RXFP1: variants seen among roughly 807,000 people sequenced by gnomAD.
RXFP1 encodes relaxin family peptide receptor 1.
Under a neutral mutation model 89.8 loss-of-function variants are expected in RXFP1, and 73 were observed. The observed-to-expected ratio is 0.81, with a 90% CI of 0.67 to 0.99. The LOEUF is 0.99. RXFP1 is among the 50% of genes least tolerant of loss of function. RXFP1 has a pLI of 0.00. For synonymous variants in RXFP1, 277 were observed against 305.5 expected, an observed-to-expected ratio of 0.91 and a Z score of 0.97; for missense variants, 793 against 895.5, an observed-to-expected ratio of 0.89 and a Z score of 1.46.
At chr4:158,583,627 T>C (rs1757780957) in intron 2 of RXFP1, among the ~76,000 whole-genome samples, 1 of 152,240 alleles carries the variant, frequency 6.6e-6, no homozygotes, top group African/African-American at 2.4e-5. Context: ...TTTATTATTC[T>C]CAAAATAACA....
chr4:158,564,811 G>A (rs1454865925), intron 1 of RXFP1, among the ~76,000 whole-genome samples: 1 of 152,144 alleles, frequency 6.6e-6, no homozygotes, highest in Non-Finnish European at 1.5e-5. Flanking sequence ...TTGTGTTATT[G>A]CACTGTGAAT....
chr4:158,628,832 A>T, intron 11 of RXFP1, 123 bp downstream of exon 11: 1 of 467,664 alleles, frequency 2.1e-6, no homozygotes, highest in Non-Finnish European at 3.8e-6. Flanking sequence ...CATTATTTAC[A>T]TATATACACC....
intron 4 of RXFP1, among the ~76,000 whole-genome samples, chr4:158,601,967 A>G (rs1471993878): frequency 6.6e-6 from 1 of 152,210 alleles, no homozygotes; most frequent in Non-Finnish European, 1.5e-5. Context: ...TAATACTAAG[A>G]ACTTTCTTTA....
intron 15 of RXFP1, 107 bp downstream of exon 15, chr4:158,645,245 TC>T (rs1771286861): frequency 1.2e-6 from 1 of 816,984 alleles, no homozygotes; most frequent in Admixed American, 2.8e-5. Context: ...TTTACATTTT[TC>T]TCCTTTTTGC....
chr4:158,545,163 C>A (rs1747946162), intron 1 of RXFP1, among the ~76,000 whole-genome samples: 1 of 151,580 alleles, frequency 6.6e-6, no homozygotes. Context: ...GATGGTATCT[C>A]ATTGTGGTTT....
chr4:158,612,300 A>T lies in RXFP1; in HGVS notation c.618A>T (p.Glu206Asp). ...TTCTTCTGGCTGTCAGGATAATTGA[A>T]GATAATCACCTCAGTCGAATTTCCC... is the stretch of plus-strand genomic sequence containing the variant. ...DLHRLEWLII[E>D]DNHLSRISPP... is the part of the protein sequence containing the mutation. The change falls in exon 8 of 18, where the codon GAA (glutamate) becomes GAT (aspartate). Residue 206 changes from glutamate (E) to aspartate (D), a missense_variant. By Grantham distance (45) the Glu-to-Asp change is conservative (BLOSUM62 2). Transcript: ENST00000307765. The T allele has an allele frequency of 2.5e-6, 4 of 1,612,268 alleles. No homozygotes were observed. In the South Asian group the frequency reaches 3.3e-5, roughly 13 times the overall value.
chr4:158,536,867 T>A lies in RXFP1; in HGVS notation c.49+14842T>A, dbSNP rs530576992. On this transcript the variant is annotated intron_variant, in intron 1 of 17. Transcript: ENST00000307765. ...GTTTCAAAATAACATAGCCAGGAAA[T>A]CATATACACTTTGGAGTTGCAATAT... is the stretch of plus-strand genomic sequence containing the variant. 2.0e-5 allele frequency among the ~76,000 whole-genome samples: 3 copies of A among 152,214 alleles called. No individual in the cohort carries two copies. In the East Asian group the frequency reaches 5.8e-4, roughly 29 times the overall value.
intron 2 of RXFP1, among the ~76,000 whole-genome samples, chr4:158,577,982 A>C (rs1240159349): frequency 6.6e-6 from 1 of 152,202 alleles, no homozygotes; most frequent in Admixed American, 6.5e-5. Context: ...AACTCAGTGA[A>C]GATTTTTTGT....
At chr4:158,564,861 A>G (rs191519059) in intron 1 of RXFP1, among the ~76,000 whole-genome samples, 2 of 152,182 alleles carry the variant, frequency 1.3e-5, no homozygotes, top group African/African-American at 4.8e-5. Context: ...GCTAAAAAGG[A>G]AATGCTTTTT....
intron 10 of RXFP1, among the ~76,000 whole-genome samples, chr4:158,627,965 T>G (rs1310567973): frequency 1.3e-5 from 2 of 152,152 alleles, no homozygotes; most frequent in Non-Finnish European, 2.9e-5. Context: ...GCTTTTAAGG[T>G]CCAAGAATAT....
intron 17 of RXFP1, among the ~76,000 whole-genome samples, chr4:158,650,729 A>G (rs1001785337): frequency 3.3e-5 from 5 of 152,226 alleles, no homozygotes; most frequent in Admixed American, 2.0e-4. Context: ...AGATTGTGCC[A>G]TTGCACTACA....
At chr4:158,651,651 A>G in intron 17 of RXFP1, 106 bp from the exon 18 acceptor site, 2 of 836,842 alleles carry the variant, frequency 2.4e-6, no homozygotes, top group Non-Finnish European at 3.6e-6. Context: ...CAAAGGAAAA[A>G]AATCAAAACT....
In RXFP1 at chr4:158,572,731, C is replaced by G. The variant is rs772369528; in HGVS notation, c.83C>G (p.Ser28Cys). Reference protein sequence around the residue: ...SHGGGQDVKCSLGYFPCGNIT... With the variant: ...SHGGGQDVKCCLGYFPCGNIT... Reference sequence around the variant, plus strand: ...GGGGGTGGACAGGATGTCAAGTGCTCCCTTGGCTATTTCCCCTGTGGGAAC... The same window carrying G: ...GGGGGTGGACAGGATGTCAAGTGCTGCCTTGGCTATTTCCCCTGTGGGAAC... The change falls in exon 2 of 18, where the codon TCC becomes TGC. Residue 28 changes from serine to cysteine, a missense_variant. Transcript: ENST00000307765. 2.5e-6 allele frequency: 4 copies of G among 1,614,074 alleles called. No individual in the cohort carries two copies. Among genetic ancestry groups the G allele is most frequent in the Non-Finnish European group, 3.4e-6 (4 of 1,180,040 alleles).
intron 1 of RXFP1, among the ~76,000 whole-genome samples, chr4:158,536,911 T>G (rs1745402256): frequency 1.3e-5 from 2 of 152,084 alleles, no homozygotes; most frequent in South Asian, 2.1e-4. Flanking sequence ...TAGATAGCGT[T>G]TACACTTATG....
intron 1 of RXFP1, among the ~76,000 whole-genome samples, chr4:158,525,979 T>C (rs964564278): frequency 1.3e-5 from 2 of 152,244 alleles, no homozygotes; most frequent in Non-Finnish European, 2.9e-5. Flanking sequence ...CTCACTGGCC[T>C]TCAAGCAAGT....
rs1554019510 is a variant in RXFP1, at chr4:158,626,144, A to ATAGATAGATAGATAGATAGATAGT, written c.756-653_756-652insTTAGATAGATAGATAGATAGATAG. Reference sequence around the variant, plus strand: ...GATAGATAGATAGATAGATAGATAGATAGATAGATAGATAGATAGATAGAT... The same window carrying ATAGATAGATAGATAGATAGATAGT: ...GATAGATAGATAGATAGATAGATAGATAGATAGATAGATAGATAGATAGTTAGATAGATAGATAGATAGATAGAT... On this transcript the variant is annotated intron_variant, in intron 9 of 17. Transcript: ENST00000307765. 3.9e-3 allele frequency among the ~76,000 whole-genome samples: 582 copies of ATAGATAGATAGATAGATAGATAGT among 148,814 alleles called. 6 individuals are homozygous for ATAGATAGATAGATAGATAGATAGT. The highest frequency in any genetic ancestry group is 0.012 in the African/African-American group (478 of 39,746).
chr4:158,556,034 A>C (rs1263504911), intron 1 of RXFP1, among the ~76,000 whole-genome samples: 1 of 152,150 alleles, frequency 6.6e-6, no homozygotes, highest in Admixed American at 6.5e-5. Flanking sequence ...AGATTTTTTA[A>C]ATAACACCTC....
At chr4:158,619,325 G>T (rs1391961999) in intron 9 of RXFP1, among the ~76,000 whole-genome samples, 1 of 152,170 alleles carries the variant, frequency 6.6e-6, no homozygotes, top group East Asian at 1.9e-4. Flanking sequence ...TCATAATTTT[G>T]TGGAGCCCAT....
At chr4:158,529,071 A>G (rs1388532076) in intron 1 of RXFP1, among the ~76,000 whole-genome samples, 2 of 152,184 alleles carry the variant, frequency 1.3e-5, no homozygotes, top group East Asian at 3.8e-4. Flanking sequence ...ACATGTTTCA[A>G]TCCTCACCTT....
Sources: allele counts gnomAD v4.1 joint callset (sites outside exome capture counted in the v4.1 genomes callset), GRCh38; gene constraint gnomAD v4.1.1; transcripts MANE v1.5; gene names NCBI Gene and HGNC (gene_info 2026-07-23, HGNC 2026-07-21).